PRIM2: variants seen among roughly 807,000 people sequenced by gnomAD.
PRIM2 encodes DNA primase subunit 2, also known as DNA primase large subunit.
Under a neutral mutation model 67.3 loss-of-function variants are expected in PRIM2, and 39 were observed. The ratio of observed to expected loss-of-function variants is 0.58; its 90% CI spans 0.45 to 0.76. The LOEUF (loss-of-function observed/expected upper bound fraction) is 0.76, where lower values mean the gene tolerates loss of function less well. Among genes scored for constraint, PRIM2 ranks in the 30% least tolerant of loss-of-function variants. PRIM2 has a pLI of 0.00. For missense variants in PRIM2, 398 were observed against 598.7 expected, an observed-to-expected ratio of 0.66 and a Z score of 3.50; for synonymous variants, 143 against 198.7, an observed-to-expected ratio of 0.72 and a Z score of 2.36.
the PRIM2 span, among the ~76,000 whole-genome samples, chr6:57,290,720 T>C: frequency 6.6e-6 from 1 of 152,108 alleles, no homozygotes; most frequent in Non-Finnish European, 1.5e-5. Flanking sequence ...CACAACTACA[T>C]GGAAACTGAA....
intron 5 of PRIM2, among the ~76,000 whole-genome samples, chr6:57,337,301 CA>C (rs1381222472): frequency 6.6e-6 from 1 of 152,102 alleles, no homozygotes; most frequent in Non-Finnish European, 1.5e-5. Context: ...GACAGATCAA[CA>C]AGACAGAAAG....
chr6:57,409,327 C>G (rs1380818369), intron 7 of PRIM2, among the ~76,000 whole-genome samples: 6 of 152,092 alleles, frequency 3.9e-5, no homozygotes, highest in Non-Finnish European at 7.4e-5. Context: ...AGGTGCCCAC[C>G]ACCGCACCGG....
At chr6:57,468,043 T>C (rs1217205975) in intron 7 of PRIM2, among the ~76,000 whole-genome samples, 2 of 152,206 alleles carry the variant, frequency 1.3e-5, no homozygotes, top group African/African-American at 2.4e-5. Context: ...GATGATGGGA[T>C]TTTCTAAATA....
Position 57,646,061 on chromosome 6 carries a change from A to C in PRIM2, c.1433A>C (p.Gln478Pro). The change falls in exon 14 of 14, where the codon CAG (glutamine) becomes CCG (proline). Residue 478 changes from glutamine to proline, a missense_variant. Coordinates refer to ENST00000615550, the MANE Select transcript of PRIM2 (RefSeq NM_000947.5). ...PETPQPKPSVQKTKDASSALA... is the reference protein window; with the variant it reads ...PETPQPKPSVPKTKDASSALA... ...ACTCCTCAACCCAAACCAAGTGTCCAGAAAACCAAGGATGCATCATCTGCT... is the reference window on the plus strand; with the variant it reads ...ACTCCTCAACCCAAACCAAGTGTCCCGAAAACCAAGGATGCATCATCTGCT... 6.2e-7 allele frequency: 1 copy of C among 1,605,228 alleles called. No individual in the cohort carries two copies. The highest frequency in any genetic ancestry group is 8.5e-7 in the Non-Finnish European group (1 of 1,171,884).
chr6:57,250,322 C>T, the PRIM2 span, among the ~76,000 whole-genome samples: 2 of 152,038 alleles, frequency 1.3e-5, no homozygotes, highest in Non-Finnish European at 2.9e-5. Flanking sequence ...TAGGTATTTA[C>T]TAGTGTCAGG....
intron 7 of PRIM2, among the ~76,000 whole-genome samples, chr6:57,389,551 A>G (rs994920986): frequency 2.6e-5 from 4 of 152,242 alleles, no homozygotes; most frequent in African/African-American, 9.6e-5. Flanking sequence ...TCCCAGGAAG[A>G]TAATTGAAAG....
the PRIM2 span, among the ~76,000 whole-genome samples, chr6:57,297,609 C>A: frequency 6.6e-6 from 1 of 152,056 alleles, no homozygotes; most frequent in Non-Finnish European, 1.5e-5. Context: ...AGATTATAAA[C>A]GGAAAAATAG....
At chr6:57,390,146 A>G (rs1770283451) in intron 7 of PRIM2, 1 of 154,820 alleles carries the variant, frequency 6.5e-6, no homozygotes, top group African/African-American at 2.4e-5. Context: ...GGATGGTGCA[A>G]AAGTAATGTG....
chr6:57,283,970 C>G, the PRIM2 span, among the ~76,000 whole-genome samples: 4 of 152,232 alleles, frequency 2.6e-5, no homozygotes, highest in African/African-American at 9.6e-5. Flanking sequence ...TGACATGGTT[C>G]TAGCTCACCC....
Position 57,645,996 on chromosome 6 carries a change from T to C in PRIM2, c.1368T>C (p.Asn456=). The C allele has an allele frequency of 6.2e-7, 1 of 1,607,444 alleles. No individual in the cohort carries two copies. The highest frequency in any genetic ancestry group is 8.5e-7 in the Non-Finnish European group (1 of 1,174,074). The change falls in exon 14 of 14, where the codon AAT becomes AAC. Residue 456 remains asparagine, a synonymous_variant. Coordinates refer to ENST00000615550, the MANE Select transcript of PRIM2 (RefSeq NM_000947.5). ...TTTGTGAGAGCCAACGTATTCTAAATGGTGGTAAAGACATAAAGAAGGAAC... is the reference window on the plus strand; with the variant it reads ...TTTGTGAGAGCCAACGTATTCTAAACGGTGGTAAAGACATAAAGAAGGAAC... ...QFFCESQRIL[N]GGKDIKKEPI...
At chr6:57,438,772 T>G (rs113654416) in intron 7 of PRIM2, among the ~76,000 whole-genome samples, 1 of 152,110 alleles carries the variant, frequency 6.6e-6, no homozygotes, top group Admixed American at 6.6e-5. Flanking sequence ...CGGCATTTTT[T>G]TTTTCTTTTT....
chr6:57,376,045 A>G (rs1249331005), intron 5 of PRIM2, among the ~76,000 whole-genome samples: 1 of 152,164 alleles, frequency 6.6e-6, no homozygotes, highest in Non-Finnish European at 1.5e-5. Flanking sequence ...CATCTCTATA[A>G]GAAAAAATAT....
chr6:57,551,390 T>G (rs1325211481), intron 10 of PRIM2, among the ~76,000 whole-genome samples: 3 of 152,182 alleles, frequency 2.0e-5, no homozygotes, highest in Non-Finnish European at 4.4e-5. Flanking sequence ...GCCTTTTAAT[T>G]CAGAATAAGT....
chr6:57,477,076 A>T (rs1248017558), intron 7 of PRIM2, among the ~76,000 whole-genome samples: 6 of 152,104 alleles, frequency 3.9e-5, no homozygotes, highest in Admixed American at 3.9e-4. Context: ...CTCCAGCTTC[A>T]ACCTCCTGGG....
the PRIM2 span, among the ~76,000 whole-genome samples, chr6:57,229,501 T>C: frequency 6.6e-6 from 1 of 152,100 alleles, no homozygotes; most frequent in African/African-American, 2.4e-5. Context: ...TATTTTTTTT[T>C]TTTTGAGACT....
intron 12 of PRIM2, among the ~76,000 whole-genome samples, chr6:57,612,142 G>A (rs1254340682): frequency 1.1e-4 from 17 of 152,318 alleles, no homozygotes; most frequent in Non-Finnish European, 2.4e-4. Flanking sequence ...TGGAGGAAAT[G>A]CAAGTCATAG....
intron 8 of PRIM2, among the ~76,000 whole-genome samples, chr6:57,528,010 C>G (rs1330911827): frequency 6.6e-6 from 1 of 152,012 alleles, no homozygotes; most frequent in Non-Finnish European, 1.5e-5. Context: ...CTCATCCAGG[C>G]TGGACTGCAG....
chr6:57,545,497 C>G (rs1294629285), intron 10 of PRIM2, among the ~76,000 whole-genome samples: 4 of 152,152 alleles, frequency 2.6e-5, no homozygotes, highest in African/African-American at 9.7e-5. Flanking sequence ...GTGGCGTGAT[C>G]TCAGCTCACC....
chr6:57,508,468 C>G (rs2127460013), intron 8 of PRIM2, among the ~76,000 whole-genome samples: 1 of 152,058 alleles, frequency 6.6e-6, no homozygotes, highest in South Asian at 2.1e-4. Flanking sequence ...GTTTTTTATT[C>G]CTTCTATAAA....
Sources: allele counts gnomAD v4.1 joint callset (sites outside exome capture counted in the v4.1 genomes callset), GRCh38; gene constraint gnomAD v4.1.1; transcripts MANE v1.5; gene names NCBI Gene and HGNC (gene_info 2026-07-23, HGNC 2026-07-21).